The following DNAAF6 variants were observed in gnomAD, a reference collection of about 807,000 sequenced individuals.
DNAAF6 encodes the protein PIH1 domain containing 3.
DNAAF6 carries 3 observed loss-of-function variants against 13.7 expected under a neutral mutation model. The observed-to-expected ratio is 0.22, with a 90% confidence interval of 0.10 to 0.56. DNAAF6 has a LOEUF of 0.56. Among genes scored for constraint, DNAAF6 ranks in the 20% least tolerant of loss-of-function variants. DNAAF6 has a pLI of 0.92. For synonymous variants in DNAAF6, 54 were observed against 49.2 expected (o/e 1.10, Z -0.41); for missense variants, 130 against 151.0 (o/e 0.86, Z 0.73).
chrX:107,218,746 T>A, intron 3 of DNAAF6, 118 bp from the exon 4 acceptor site: 1 of 660,502 alleles, frequency 1.5e-6, no homozygotes. Context: ...AAAAAAAAGC[T>A]AGCGATTACA....
intron 6 of DNAAF6, among the ~76,000 whole-genome samples, chrX:107,242,123 C>G (rs1928636254): frequency 1.8e-5 from 2 of 111,647 alleles, no homozygotes; most frequent in African/African-American, 6.5e-5. Context: ...CTACGTTTGG[C>G]AACGTATTCA....
rs1928174479 is a variant in DNAAF6 at position 107,222,750 on chromosome X, A to C, written c.338A>C (p.Glu113Ala). 1 of 1,198,640 alleles carries C rather than the reference A, an allele frequency of 8.3e-7. No individual in the cohort carries two copies. The highest frequency in any genetic ancestry group is 1.1e-6 in the Non-Finnish European group (1 of 890,128). ...MWDVREIPEY[E>A]IIFRQQVGTE... ...AATCATTGATTTTTTTTCAGGTATG[A>C]GATTATATTCAGACAGCAGGTGGGA... Residue 113 changes from glutamate (E) to alanine (A), a missense_variant, in exon 5 of 7, where the codon GAG becomes GCG. By Grantham distance (107) the Glu-to-Ala change is moderately radical. Transcript: ENST00000372453.
intron 5 of DNAAF6, among the ~76,000 whole-genome samples, chrX:107,235,338 C>A (rs1000653101): frequency 8.9e-6 from 1 of 111,759 alleles, no homozygotes; most frequent in African/African-American, 3.3e-5. Flanking sequence ...TAATTCTCAC[C>A]TCCAGATATT....
intron 3 of DNAAF6, 29 bp downstream of exon 3, chrX:107,216,772 C>G (rs755853376): frequency 3.8e-6 from 4 of 1,043,986 alleles, no homozygotes; most frequent in Non-Finnish European, 3.9e-6. Context: ...CAATATAGAT[C>G]AATATAATCT....
chrX:107,222,967 G>C (rs1045209972), intron 5 of DNAAF6, 126 bp downstream of exon 5: 60 of 866,302 alleles, frequency 6.9e-5, no homozygotes, highest in Non-Finnish European at 9.1e-5. Flanking sequence ...TATGTTTCAC[G>C]TACTAGGGTA....
intron 5 of DNAAF6, 60 bp from the exon 6 acceptor site, chrX:107,238,862 A>G (rs1023193377): frequency 8.4e-7 from 1 of 1,188,464 alleles, no homozygotes; most frequent in African/African-American, 1.8e-5. Context: ...ATATTCTTAT[A>G]TTCTTCAAAT....
At chrX:107,238,216 A>C (rs780582308) in intron 5 of DNAAF6, among the ~76,000 whole-genome samples, 1 of 110,679 alleles carries the variant, frequency 9.0e-6, no homozygotes, top group South Asian at 3.9e-4. Flanking sequence ...GGTTGCTTAC[A>C]CCTTTTGACT....
At chrX:107,212,364 G>A (rs1927875375) in intron 1 of DNAAF6, among the ~76,000 whole-genome samples, 1 of 110,626 alleles carries the variant, frequency 9.0e-6, no homozygotes, top group African/African-American at 3.3e-5. Flanking sequence ...TAGTCAACTT[G>A]TGCACAAACC....
At chrX:107,226,524 C>T (rs1479553904) in intron 5 of DNAAF6, among the ~76,000 whole-genome samples, 1 of 111,608 alleles carries the variant, frequency 9.0e-6, no homozygotes, top group Non-Finnish European at 1.9e-5. Flanking sequence ...TAGCAAGATA[C>T]CCTAATTCTC....
At chrX:107,237,321 A>T (rs982036470) in intron 5 of DNAAF6, among the ~76,000 whole-genome samples, 1 of 112,088 alleles carries the variant, frequency 8.9e-6, no homozygotes, top group African/African-American at 3.2e-5. Flanking sequence ...CAATATTTCA[A>T]GTCTTCTATC....
Position 107,243,372 on chromosome X carries a change from T to G in DNAAF6, c.*74T>G. 8.9e-7 allele frequency: 1 copy of G among 1,120,352 alleles called. No individual in the cohort carries two copies. The highest frequency in any genetic ancestry group is 1.2e-6 in the Non-Finnish European group (1 of 839,207). The allele number at this position is 1,120,352 out of a possible 1,213,427, so 92.3% of individuals were successfully genotyped here. A position where few individuals can be genotyped will look rare whatever the true frequency, so the allele number is the denominator to read the frequency against. ...AAAAAACTTTGAAAAAAATGATTGT[T>G]TTCTATATTCTCTTTATTATTCTGA... On this transcript the variant is annotated 3_prime_UTR_variant, in exon 7 of 7. Transcript: ENST00000372453.
At chrX:107,229,251 C>T (rs1317342855) in intron 5 of DNAAF6, among the ~76,000 whole-genome samples, 3 of 103,052 alleles carry the variant, frequency 2.9e-5, no homozygotes, top group Non-Finnish European at 5.9e-5. Flanking sequence ...TGTTCTCCTG[C>T]CTCAACCCCC....
At chrX:107,225,917 G>C (rs1252835801) in intron 5 of DNAAF6, among the ~76,000 whole-genome samples, 1 of 111,986 alleles carries the variant, frequency 8.9e-6, no homozygotes, top group Non-Finnish European at 1.9e-5. Context: ...AGGTATTTTA[G>C]AGCTAGAGCT....
intron 6 of DNAAF6, among the ~76,000 whole-genome samples, chrX:107,242,568 A>C (rs1400844969): frequency 1.8e-5 from 2 of 112,855 alleles, no homozygotes; most frequent in Non-Finnish European, 3.7e-5. Context: ...AATGCATCTA[A>C]AGCATAAAAC....
intron 5 of DNAAF6, among the ~76,000 whole-genome samples, chrX:107,236,253 A>G (rs2052846678): frequency 8.9e-6 from 1 of 112,574 alleles, no homozygotes; most frequent in African/African-American, 3.2e-5. Flanking sequence ...AGTTTTCCTT[A>G]GTTTACCTGT....
At position 107,212,928 on chromosome X, in the gene DNAAF6, C is replaced by T. The variant is rs1269873220; in HGVS notation, c.53C>T (p.Ser18Phe). The part of the protein sequence containing the change: ...SENMKTENME[S>F]QNVDFESVSS... ...AATATGAAGACAGAAAATATGGAATCTCAAAATGTAGACTTTGAGAGTGTT... is the reference window on the plus strand; with the variant it reads ...AATATGAAGACAGAAAATATGGAATTTCAAAATGTAGACTTTGAGAGTGTT... Residue 18 changes from serine to phenylalanine, a missense_variant, in exon 2 of 7, where the codon TCT becomes TTT. By Grantham distance (155) the Ser-to-Phe change is radical. Coordinates refer to ENST00000372453, the MANE Select transcript of DNAAF6 (RefSeq NM_173494.2). 5.0e-6 allele frequency: 6 copies of T among 1,202,550 alleles called. No homozygotes were observed. The highest frequency in any genetic ancestry group is 1.8e-5 in the African/African-American group (1 of 56,927).
At chrX:107,229,085 G>A (rs1928319316) in intron 5 of DNAAF6, among the ~76,000 whole-genome samples, 1 of 101,873 alleles carries the variant, frequency 9.8e-6, no homozygotes, top group South Asian at 4.9e-4. Flanking sequence ...TTGAAGATAT[G>A]AGGGTGCTGC....
Position 107,218,989 on chromosome X carries a change from G to T in DNAAF6, c.332+20G>T, listed in dbSNP as rs1291378599. On this transcript the variant is annotated intron_variant, in intron 4 of 6. Coordinates refer to ENST00000372453, the MANE Select transcript of DNAAF6 (RefSeq NM_173494.2). ...CCCAGAGTAAGTCAAATGAAGCCAG[G>T]AATGTCTTTAGGAGTTTAAGTTAGC... 8.6e-7 allele frequency: 1 copy of T among 1,160,274 alleles called. No individual in the cohort carries two copies. Among genetic ancestry groups the T allele is most frequent in the East Asian group, 3.2e-5 (1 of 30,850 alleles).
intron 4 of DNAAF6, among the ~76,000 whole-genome samples, chrX:107,222,397 G>A (rs1000460174): frequency 8.9e-6 from 1 of 111,800 alleles, no homozygotes; most frequent in Middle Eastern, 4.7e-3. Context: ...GTATTTTTCT[G>A]AGCTATTGTT....
Sources: allele counts gnomAD v4.1 joint callset (sites outside exome capture counted in the v4.1 genomes callset), GRCh38; gene constraint gnomAD v4.1.1; transcripts MANE v1.5; gene names NCBI Gene and HGNC (gene_info 2026-07-23, HGNC 2026-07-21).